The following PIP5K1C variants were observed in gnomAD, a reference collection of about 807,000 sequenced individuals.
PIP5K1C encodes the protein phosphatidylinositol 4-phosphate 5-kinase type-1 gamma.
Under a neutral mutation model 80.1 loss-of-function variants are expected in PIP5K1C, and 45 were observed. That is an observed-to-expected ratio of 0.56 (90% CI 0.44 to 0.72). The LOEUF is 0.72. Among genes scored for constraint, PIP5K1C ranks in the 30% least tolerant of loss-of-function variants. The pLI is 0.00. For missense variants in PIP5K1C, 753 were observed against 954.6 expected, an observed-to-expected ratio of 0.79 and a Z score of 2.78; for synonymous variants, 498 against 420.1, an observed-to-expected ratio of 1.19 and a Z score of -2.27.
At chr19:3,681,672 A>G (rs1482190911) in intron 1 of PIP5K1C, among the ~76,000 whole-genome samples, 1 of 152,100 alleles carries the variant, frequency 6.6e-6, no homozygotes, top group Non-Finnish European at 1.5e-5. Flanking sequence ...CCTATTTTAC[A>G]GCTATGTAAA....
chr19:3,652,148 T>TG (rs2034475710), intron 7 of PIP5K1C, 117 bp from the exon 8 acceptor site: 1 of 872,788 alleles, frequency 1.1e-6, no homozygotes, highest in South Asian at 1.5e-5. Flanking sequence ...GTGTGAGAGA[T>TG]GGAGTCCCAC....
At chr19:3,667,656 C>T (rs1350593285) in intron 1 of PIP5K1C, among the ~76,000 whole-genome samples, 2 of 152,210 alleles carry the variant, frequency 1.3e-5, no homozygotes, top group East Asian at 3.8e-4. Flanking sequence ...TTGGCACCCA[C>T]CACGGAGGGC....
intron 2 of PIP5K1C, among the ~76,000 whole-genome samples, chr19:3,666,603 G>A (rs765694377): frequency 4.7e-5 from 7 of 150,524 alleles, no homozygotes. Flanking sequence ...GCAAACACGT[G>A]CACACACGCA....
At chr19:3,645,073 A>T (rs1003071448) in intron 11 of PIP5K1C, among the ~76,000 whole-genome samples, 1 of 152,164 alleles carries the variant, frequency 6.6e-6, no homozygotes, top group Non-Finnish European at 1.5e-5. Context: ...CACGGTGTTG[A>T]TGAGAGGGGG....
intron 6 of PIP5K1C, among the ~76,000 whole-genome samples, chr19:3,654,350 A>C (rs947534928): frequency 6.6e-6 from 1 of 152,216 alleles, no homozygotes; most frequent in African/African-American, 2.4e-5. Flanking sequence ...TGACGAACCC[A>C]GTGGGAAGCT....
chr19:3,673,522 G>A (rs2035273217), intron 1 of PIP5K1C, among the ~76,000 whole-genome samples: 1 of 152,172 alleles, frequency 6.6e-6, no homozygotes, highest in Admixed American at 6.5e-5. Context: ...AGTAGCACAG[G>A]GGGCCTGCAC....
chr19:3,676,385 G>A lies in PIP5K1C; in HGVS notation c.95-9032C>T, dbSNP rs550013827. On this transcript the variant is annotated intron_variant, in intron 1 of 17. Transcript: ENST00000335312. ...GCACACCCTGGTGAGTGGCCCGCCCGGGCTTGGTTCTGAGCCCTGCGGTGT... is the reference window on the plus strand; with the variant it reads ...GCACACCCTGGTGAGTGGCCCGCCCAGGCTTGGTTCTGAGCCCTGCGGTGT... Among the ~76,000 whole-genome samples, 10 of 152,352 alleles carry A rather than the reference G, an allele frequency of 6.6e-5. No homozygotes were observed. In the South Asian group the frequency reaches 1.4e-3, roughly 22 times the overall value.
At chr19:3,690,014 G>A (rs2035895569) in intron 1 of PIP5K1C, among the ~76,000 whole-genome samples, 1 of 152,054 alleles carries the variant, frequency 6.6e-6, no homozygotes, top group Non-Finnish European at 1.5e-5. Context: ...AAGTGTATGG[G>A]CCAGAGAAAC....
At position 3,688,479 on chromosome 19, in the gene PIP5K1C, C is replaced by T. The variant is rs1473072252; in HGVS notation, c.94+11818G>A. ...CACCCCCAGGACTCTGGGGCACACACGTCCCCAGGCAGCTCCGGTGAGGCC... is the reference window on the plus strand; with the variant it reads ...CACCCCCAGGACTCTGGGGCACACATGTCCCCAGGCAGCTCCGGTGAGGCC... On this transcript the variant is annotated intron_variant, in intron 1 of 17. Transcript: ENST00000335312. This position sits in a 1 kb window ranked among gnomAD's most constrained non-coding sequence, Gnocchi z 5.3. Among the ~76,000 whole-genome samples, 2 of 152,152 alleles carry T rather than the reference C, an allele frequency of 1.3e-5. No homozygotes were observed. Among genetic ancestry groups the T allele is most frequent in the East Asian group, 1.9e-4 (1 of 5,172 alleles).
At chr19:3,638,788 T>A in intron 16 of PIP5K1C, 96 bp downstream of exon 16, 1 of 1,503,144 alleles carries the variant, frequency 6.7e-7, no homozygotes, top group Non-Finnish European at 9.2e-7. Flanking sequence ...CACGTGCCTG[T>A]GTGCAGGTGT....
In PIP5K1C at chr19:3,637,487, C is replaced by T. The variant is rs377755579; in HGVS notation, c.1920+1397G>A. On this transcript the variant is annotated intron_variant, in intron 16 of 17. Coordinates refer to ENST00000335312, the MANE Select transcript of PIP5K1C (RefSeq NM_012398.3). This position sits in a 1 kb window ranked among gnomAD's most constrained non-coding sequence, Gnocchi z 7.0. ...CGGGGACCTGCGGCTCCCTGCTGCC[C>T]GAGGGGCACTGCCCCTTCTCCCCAG... 5.1e-5 allele frequency: 79 copies of T among 1,535,552 alleles called. No homozygotes were observed. The highest frequency in any genetic ancestry group is 9.8e-5 in the East Asian group (4 of 40,902).
chr19:3,697,906 G>C (rs1047108362), intron 1 of PIP5K1C, among the ~76,000 whole-genome samples: 1 of 152,220 alleles, frequency 6.6e-6, no homozygotes, highest in Non-Finnish European at 1.5e-5. Flanking sequence ...CCATGGAGAC[G>C]CCATTCAGGC....
chr19:3,692,330 G>T lies in PIP5K1C; in HGVS notation c.94+7967C>A, dbSNP rs935195290. On this transcript the variant is annotated intron_variant, in intron 1 of 17. Transcript: ENST00000335312. The surrounding 1 kb of genome is among the most constrained non-coding windows in gnomAD (Gnocchi z 5.2). ...CAGTCCCACTGCCGGCTCCCACCAC[G>T]GCCCCCAACGCTCCCTACAGGGGCT... 1.3e-5 allele frequency among the ~76,000 whole-genome samples: 2 copies of T among 152,012 alleles called. No individual in the cohort carries two copies. Among genetic ancestry groups the T allele is most frequent in the Non-Finnish European group, 2.9e-5 (2 of 67,978 alleles).
At chr19:3,655,271 A>T (rs1023431515) in intron 6 of PIP5K1C, among the ~76,000 whole-genome samples, 1 of 151,816 alleles carries the variant, frequency 6.6e-6, no homozygotes, top group Non-Finnish European at 1.5e-5. Flanking sequence ...ATAAAAAAAT[A>T]GCCAGGCGTG....
At chr19:3,689,475 CCT>C (rs1400170340) in intron 1 of PIP5K1C, among the ~76,000 whole-genome samples, 3 of 151,936 alleles carry the variant, frequency 2.0e-5, no homozygotes, top group Non-Finnish European at 2.9e-5. Context: ...ATGGTGAAAC[CCT>C]GTCTCTACTA....
Position 3,692,160 on chromosome 19 carries a change from A to G in PIP5K1C, c.94+8137T>C, listed in dbSNP as rs1249253123. On this transcript the variant is annotated intron_variant, in intron 1 of 17. Coordinates refer to ENST00000335312, the MANE Select transcript of PIP5K1C (RefSeq NM_012398.3). This position sits in a 1 kb window ranked among gnomAD's most constrained non-coding sequence, Gnocchi z 5.2. The stretch of plus-strand genomic sequence containing the variant: ...TTGACTCATCTAATCCTCAAGGGAC[A>G]TTGCTTTCCAAATGAGGAAACTGAG... Among the ~76,000 whole-genome samples the G allele has an allele frequency of 1.3e-5, 2 of 152,198 alleles. No individual in the cohort carries two copies. Among genetic ancestry groups the G allele is most frequent in the Non-Finnish European group, 2.9e-5 (2 of 68,030 alleles).
chr19:3,678,035 A>AG (rs1320123633), intron 1 of PIP5K1C, among the ~76,000 whole-genome samples: 1 of 101,614 alleles, frequency 9.8e-6, no homozygotes, highest in Non-Finnish European at 2.0e-5. Flanking sequence ...GGAGGGATGG[A>AG]GAATGGAGGG....
chr19:3,684,448 T>TG (rs958185172), intron 1 of PIP5K1C, among the ~76,000 whole-genome samples: 1 of 152,088 alleles, frequency 6.6e-6, no homozygotes, highest in East Asian at 1.9e-4. Context: ...AGAAGTGACA[T>TG]GGGGGGAATT....
In PIP5K1C at chr19:3,644,190, C is replaced by T. The variant is rs2034109101; in HGVS notation, c.1407G>A (p.Leu469=). 1 of 1,612,454 alleles carries T rather than the reference C, an allele frequency of 6.2e-7. No homozygotes were observed. Among genetic ancestry groups the T allele is most frequent in the Non-Finnish European group, 8.5e-7 (1 of 1,179,884 alleles). Residue 469 remains leucine, a synonymous_variant, in exon 12 of 18, where the codon CTG becomes CTA. Transcript: ENST00000335312. ...TGGCCGAGAAGGCAGCGGTGGGCCC[C>T]AGCGGTTTCACAGCTAGCAAGGCTC... ...RGGALLAVKP[L]GPTAAFSASQ... is the part of the protein sequence containing the mutation.
Sources: allele counts gnomAD v4.1 joint callset (sites outside exome capture counted in the v4.1 genomes callset), GRCh38; gene constraint gnomAD v4.1.1; non-coding constraint Gnocchi (gnomAD v3.1); transcripts MANE v1.5; gene names NCBI Gene and HGNC (gene_info 2026-07-23, HGNC 2026-07-21).